Variants in CDH4 observed in about 807,000 individuals in gnomAD.
CDH4 encodes the protein cadherin-4.
In CDH4, 33 loss-of-function variants were observed where a neutral mutation model predicts 86.0. That is an observed-to-expected ratio of 0.38 (90% CI 0.29 to 0.51). The LOEUF (loss-of-function observed/expected upper bound fraction) is 0.51, where lower values mean the gene tolerates loss of function less well. Among genes scored for constraint, CDH4 ranks in the 20% least tolerant of loss-of-function variants. The probability of loss-of-function intolerance (pLI) is 0.86; values close to 1 mark genes in which losing one functional copy is unlikely to be tolerated. For synonymous variants in CDH4, 555 were observed against 549.4 expected (o/e 1.01, Z -0.14); for missense variants, 1,114 against 1,307.4 (o/e 0.85, Z 2.28).
chr20:61,355,293 A>G (rs1451162153), intron 2 of CDH4, among the ~76,000 whole-genome samples: 1 of 152,230 alleles, frequency 6.6e-6, no homozygotes, highest in East Asian at 1.9e-4. Flanking sequence ...CCGGACTCTC[A>G]TTCCGCCTCT....
In CDH4 at chr20:61,708,970, G is replaced by A. The variant is rs116016959; in HGVS notation, c.170-34593G>A. 2.1e-3 allele frequency among the ~76,000 whole-genome samples: 313 copies of A among 152,346 alleles called. 2 individuals carry two copies. The highest frequency in any genetic ancestry group is 6.8e-3 in the African/African-American group (283 of 41,588). ...AGGCTGTTCCTTCAGCCAGACGGAC[G>A]GGCAGCAGACCTGCTCAGCCCTGCC... is the stretch of plus-strand genomic sequence containing the variant. On this transcript the variant is annotated intron_variant, in intron 2 of 15. Coordinates refer to ENST00000614565, the MANE Select transcript of CDH4 (RefSeq NM_001794.5). The surrounding 1 kb of genome is among the most constrained non-coding windows in gnomAD (Gnocchi z 4.5).
chr20:61,740,803 A>C (rs1359927735), intron 2 of CDH4: 1 of 152,212 alleles, frequency 6.6e-6, no homozygotes, highest in Non-Finnish European at 1.5e-5. Flanking sequence ...GGAGCGGAAC[A>C]CCCAAGTTAT....
intron 2 of CDH4, among the ~76,000 whole-genome samples, chr20:61,425,434 C>T (rs960111638): frequency 6.6e-6 from 1 of 152,068 alleles, no homozygotes; most frequent in Non-Finnish European, 1.5e-5. Flanking sequence ...GGGACTGGCT[C>T]CTGTCTGAAA....
chr20:61,601,647 G>GA (rs1169120892), intron 2 of CDH4, among the ~76,000 whole-genome samples: 1 of 152,204 alleles, frequency 6.6e-6, no homozygotes, highest in Non-Finnish European at 1.5e-5. Flanking sequence ...CCAGGGGAGG[G>GA]AAGGCAGAGA....
intron 4 of CDH4, among the ~76,000 whole-genome samples, chr20:61,801,356 C>T (rs1281358967): frequency 6.6e-6 from 1 of 152,168 alleles, no homozygotes; most frequent in Non-Finnish European, 1.5e-5. Flanking sequence ...CAACCACAAA[C>T]ACTGGTGTGT....
intron 7 of CDH4, among the ~76,000 whole-genome samples, chr20:61,878,442 A>G (rs533236102): frequency 1.3e-5 from 2 of 152,292 alleles, no homozygotes; most frequent in East Asian, 3.9e-4. Context: ...TGTTCATGTC[A>G]TTTCCACGTT....
chr20:61,334,616 CATT>C (rs1391150881), intron 2 of CDH4, among the ~76,000 whole-genome samples: 2 of 152,216 alleles, frequency 1.3e-5, no homozygotes, highest in Non-Finnish European at 2.9e-5. Context: ...GCACTAATCC[CATT>C]ATTAGGGCAG....
In CDH4 at chr20:61,902,291, G is replaced by C. The variant is rs1351932328; in HGVS notation, c.1188+7244G>C. Among the ~76,000 whole-genome samples, 2 of 152,218 alleles carry C rather than the reference G, an allele frequency of 1.3e-5. No individual in the cohort carries two copies. Among genetic ancestry groups the C allele is most frequent in the Non-Finnish European group, 2.9e-5 (2 of 68,034 alleles). ...CGGGGCCTCTGAAACCAGGACCCCC[G>C]GGGCCTCCATTCCAGGAGAAGCAGC... is the stretch of plus-strand genomic sequence containing the variant. On this transcript the variant is annotated intron_variant, in intron 8 of 15. Transcript: ENST00000614565. This position sits in a 1 kb window ranked among gnomAD's most constrained non-coding sequence, Gnocchi z 4.6.
At chr20:61,464,460 A>G (rs1052721605) in intron 2 of CDH4, among the ~76,000 whole-genome samples, 1 of 152,228 alleles carries the variant, frequency 6.6e-6, no homozygotes, top group Non-Finnish European at 1.5e-5. Flanking sequence ...ATGCCCGGCT[A>G]TAGACCAGAA....
intron 3 of CDH4, among the ~76,000 whole-genome samples, chr20:61,760,120 C>T (rs2088615261): frequency 1.3e-5 from 2 of 151,236 alleles, no homozygotes; most frequent in South Asian, 2.1e-4. Flanking sequence ...GCCACAATTC[C>T]TTATCCTTCT....
intron 2 of CDH4, among the ~76,000 whole-genome samples, chr20:61,535,595 G>A (rs2085990195): frequency 6.6e-6 from 1 of 152,248 alleles, no homozygotes; most frequent in Admixed American, 6.5e-5. Context: ...GGGGCCTGGT[G>A]CAGGATGAAA....
At chr20:61,776,620 C>A (rs970461450) in intron 4 of CDH4, among the ~76,000 whole-genome samples, 1 of 152,194 alleles carries the variant, frequency 6.6e-6, no homozygotes, top group Non-Finnish European at 1.5e-5. Flanking sequence ...CGGAAGGAGG[C>A]AGTGAGGTGG....
intron 7 of CDH4, among the ~76,000 whole-genome samples, chr20:61,890,401 G>A (rs1161846703): frequency 6.6e-6 from 1 of 151,048 alleles, no homozygotes; most frequent in Non-Finnish European, 1.5e-5. Context: ...TAGATGGGTG[G>A]ATGGATGGAT....
chr20:61,477,895 G>C (rs950255132), intron 2 of CDH4, among the ~76,000 whole-genome samples: 1 of 152,176 alleles, frequency 6.6e-6, no homozygotes. Flanking sequence ...TCTGTAGAAG[G>C]TTTCATGAGC....
rs542074791 is a variant in CDH4, at chr20:61,510,283, G to A, written c.170-233280G>A. 1.3e-5 allele frequency among the ~76,000 whole-genome samples: 2 copies of A among 152,186 alleles called. No homozygotes were observed. The highest frequency in any genetic ancestry group is 4.1e-4 in the South Asian group (2 of 4,826). Reference sequence around the variant, plus strand: ...ACTTGGTGTGTGCTTTGTGTTTTGGGGGGGCCAGGAACGTGCATTCAGGGG... The same window carrying A: ...ACTTGGTGTGTGCTTTGTGTTTTGGAGGGGCCAGGAACGTGCATTCAGGGG... On this transcript the variant is annotated intron_variant, in intron 2 of 15. Coordinates refer to ENST00000614565, the MANE Select transcript of CDH4 (RefSeq NM_001794.5). The surrounding 1 kb of genome is among the most constrained non-coding windows in gnomAD (Gnocchi z 4.2).
intron 2 of CDH4, among the ~76,000 whole-genome samples, chr20:61,267,443 A>G (rs2084163160): frequency 6.6e-6 from 1 of 152,234 alleles, no homozygotes; most frequent in East Asian, 1.9e-4. Flanking sequence ...CTCAAAGTGC[A>G]GCTCAGGTGG....
At chr20:61,546,171 TGTGTGGGG>T (rs2086084012) in intron 2 of CDH4, among the ~76,000 whole-genome samples, 2 of 103,396 alleles carry the variant, frequency 1.9e-5, no homozygotes, top group Admixed American at 1.0e-4. Flanking sequence ...TGTGTGCCTG[TGTGTGGGG>T]GTATGTGGGA....
At chr20:61,803,091 A>G (rs988653231) in intron 4 of CDH4, among the ~76,000 whole-genome samples, 4 of 152,186 alleles carry the variant, frequency 2.6e-5, no homozygotes, top group Non-Finnish European at 5.9e-5. Flanking sequence ...GCCTGCCTGT[A>G]GAGCGGCCAG....
In CDH4 at chr20:61,897,256, C is replaced by T. The variant is rs1034766829; in HGVS notation, c.1188+2209C>T. On this transcript the variant is annotated intron_variant, in intron 8 of 15. Transcript: ENST00000614565. ...CAAAATTCAGAGAATCCCATCATTC[C>T]ATTGCAAGCCCTACCCCTCGTCTCT... Among the ~76,000 whole-genome samples the T allele has an allele frequency of 4.6e-5, 7 of 152,130 alleles. No homozygotes were observed. The South Asian group carries it at 1.2e-3, about 27-fold the overall frequency.
Sources: gnomAD v4.1 joint callset for allele counts (sites outside exome capture counted in the v4.1 genomes callset) on GRCh38, gnomAD v4.1.1 for gene constraint, Gnocchi (gnomAD v3.1) non-coding constraint, MANE v1.5 for transcripts, NCBI Gene and HGNC (gene_info 2026-07-23, HGNC 2026-07-21) for gene names.